GLI3: variants seen among roughly 807,000 people sequenced by gnomAD.
GLI3 encodes transcription activator GLI3.
A neutral mutation model predicts 100.8 loss-of-function variants in GLI3; 20 were observed. The ratio of observed to expected loss-of-function variants is 0.20; its 90% CI spans 0.14 to 0.29. The LOEUF (loss-of-function observed/expected upper bound fraction) is 0.29, where lower values mean the gene tolerates loss of function less well. Among genes scored for constraint, GLI3 ranks in the 10% least tolerant of loss-of-function variants. GLI3 has a pLI of 1.00. For missense variants in GLI3, 2,040 were observed against 2,128.5 expected (o/e 0.96, Z 0.82); for synonymous variants, 938 against 860.5 (o/e 1.09, Z -1.58).
chr7:41,993,241 G>C (rs746658076), intron 10 of GLI3, among the ~76,000 whole-genome samples: 1 of 152,176 alleles, frequency 6.6e-6, no homozygotes, highest in Non-Finnish European at 1.5e-5. Context: ...AGCAGAGCCA[G>C]GGTTTTAGAG....
At chr7:42,056,210 T>A (rs539266571) in intron 4 of GLI3, among the ~76,000 whole-genome samples, 1 of 152,348 alleles carries the variant, frequency 6.6e-6, no homozygotes, top group African/African-American at 2.4e-5. Context: ...TATAACATTT[T>A]ATTGAAAATC....
intron 2 of GLI3, among the ~76,000 whole-genome samples, chr7:42,204,421 A>G (rs1314536431): frequency 1.3e-5 from 2 of 151,928 alleles, no homozygotes; most frequent in African/African-American, 4.8e-5. Context: ...TTAACTCCTC[A>G]CCTCTTCTGT....
intron 2 of GLI3, among the ~76,000 whole-genome samples, chr7:42,191,726 T>C (rs1456642173): frequency 6.6e-6 from 1 of 151,958 alleles, no homozygotes; most frequent in Non-Finnish European, 1.5e-5. Context: ...GCCCTTAACA[T>C]ATTAACTCAC....
At chr7:42,134,080 C>CAAA (rs11441623) in intron 3 of GLI3, among the ~76,000 whole-genome samples, 3 of 109,402 alleles carry the variant, frequency 2.7e-5, no homozygotes, top group Non-Finnish European at 3.6e-5. Flanking sequence ...GACTCTGTCT[C>CAAA]AAAAAAAAAA....
intron 6 of GLI3, among the ~76,000 whole-genome samples, chr7:42,040,875 C>T (rs890235918): frequency 6.6e-6 from 1 of 152,114 alleles, no homozygotes; most frequent in African/African-American, 2.4e-5. Context: ...TTCTGGTTTT[C>T]GGGACTCAGC....
intron 13 of GLI3, among the ~76,000 whole-genome samples, chr7:41,968,133 A>G: frequency 6.6e-6 from 1 of 152,192 alleles, no homozygotes; most frequent in East Asian, 1.9e-4. Context: ...GGCAATGGAA[A>G]GCAGAGAATG....
chr7:42,184,887 C>T (rs920811833), intron 2 of GLI3, among the ~76,000 whole-genome samples: 4 of 152,264 alleles, frequency 2.6e-5, no homozygotes, highest in Admixed American at 1.3e-4. Context: ...ATGGCACCTT[C>T]GTTGCATCCT....
At chr7:41,979,985 G>GT (rs1292661661) in intron 10 of GLI3, among the ~76,000 whole-genome samples, 2 of 152,088 alleles carry the variant, frequency 1.3e-5, no homozygotes, top group African/African-American at 2.4e-5. Flanking sequence ...TTCGCTTTAG[G>GT]TAAAAAAAAG....
chr7:42,118,833 G>A (rs993754087), intron 3 of GLI3, among the ~76,000 whole-genome samples: 5 of 152,224 alleles, frequency 3.3e-5, no homozygotes, highest in African/African-American at 1.2e-4. Context: ...ACGTACATGG[G>A]ATAGCTATGG....
At chr7:42,145,550 T>C in intron 3 of GLI3, 1 of 397,490 alleles carries the variant, frequency 2.5e-6, no homozygotes, top group Non-Finnish European at 4.4e-6. Context: ...TGCAGTTTGC[T>C]CAATTCTTAA....
chr7:42,025,841 G>A (rs41279594), intron 8 of GLI3, among the ~76,000 whole-genome samples: 2,138 of 152,318 alleles, frequency 0.014, 24 homozygotes, highest in Non-Finnish European at 0.021. Flanking sequence ...GTGGTAAGTC[G>A]CAACTGTGGT....
intron 13 of GLI3, among the ~76,000 whole-genome samples, chr7:41,969,888 T>A (rs1787321668): frequency 6.6e-6 from 1 of 152,178 alleles, no homozygotes; most frequent in African/African-American, 2.4e-5. Flanking sequence ...CAATAATGAG[T>A]CTTTCAGAAC....
intron 1 of GLI3, among the ~76,000 whole-genome samples, chr7:42,233,768 A>G (rs1406174990): frequency 2.0e-5 from 3 of 152,188 alleles, no homozygotes; most frequent in African/African-American, 4.8e-5. Flanking sequence ...AAACAGATCA[A>G]TTTTCATCTA....
intron 1 of GLI3, among the ~76,000 whole-genome samples, chr7:42,231,972 C>G (rs1788703543): frequency 6.6e-6 from 1 of 151,932 alleles, no homozygotes; most frequent in Non-Finnish European, 1.5e-5. Flanking sequence ...GTCACACTAC[C>G]TTCTGAAGTT....
intron 3 of GLI3, among the ~76,000 whole-genome samples, chr7:42,117,482 C>G (rs1460217211): frequency 6.6e-6 from 1 of 152,182 alleles, no homozygotes; most frequent in East Asian, 1.9e-4. Context: ...TGCCATGACT[C>G]AGTTTTAAGA....
At chr7:42,243,072 T>C (rs1025906544) in intron 1 of GLI3, among the ~76,000 whole-genome samples, 2 of 152,138 alleles carry the variant, frequency 1.3e-5, no homozygotes, top group South Asian at 2.1e-4. Context: ...ACAGGAAAAA[T>C]GATCACCTTC....
chr7:42,242,004 G>A (rs1005207319), upstream of GLI3, among the ~76,000 whole-genome samples: 3 of 152,162 alleles, frequency 2.0e-5, no homozygotes, highest in African/African-American at 7.2e-5. Flanking sequence ...AAACACTTCA[G>A]TAACCAGTGT....
intron 1 of GLI3, among the ~76,000 whole-genome samples, chr7:42,244,140 G>A (rs1405183351): frequency 6.6e-6 from 1 of 152,094 alleles, no homozygotes; most frequent in Non-Finnish European, 1.5e-5. Flanking sequence ...AGCAGATTTT[G>A]ACTAGTTCTT....
chr7:42,146,203 T>C (rs558411422), intron 3 of GLI3, among the ~76,000 whole-genome samples: 5 of 152,142 alleles, frequency 3.3e-5, no homozygotes, highest in Non-Finnish European at 7.4e-5. Flanking sequence ...TGTGGGAGAA[T>C]GTAACGAATA....
Sources: gnomAD v4.1 joint callset for allele counts (sites outside exome capture counted in the v4.1 genomes callset) on GRCh38, gnomAD v4.1.1 for gene constraint, MANE v1.5 for transcripts, NCBI Gene and HGNC (gene_info 2026-07-23, HGNC 2026-07-21) for gene names.